GRIK2: variants seen among roughly 807,000 people sequenced by gnomAD.
GRIK2 encodes the protein glutamate ionotropic receptor kainate type subunit 2, also known as glutamate receptor ionotropic, kainate 2.
GRIK2 carries 32 observed loss-of-function variants against 100.3 expected under a neutral mutation model. That is an observed-to-expected ratio of 0.32 (90% confidence interval 0.24 to 0.43). GRIK2 has a LOEUF of 0.43. Among genes scored for constraint, GRIK2 ranks in the 20% least tolerant of loss-of-function variants. GRIK2 has a pLI of 1.00. For missense variants in GRIK2, 843 were observed against 1,114.9 expected (o/e 0.76, Z 3.47); for synonymous variants, 417 against 389.4 (o/e 1.07, Z -0.83).
At position 101,621,945 on chromosome 6, in the gene GRIK2, C is replaced by T. The variant is rs772959515; in HGVS notation, c.116-4C>T. The T allele has an allele frequency of 6.3e-7, 1 of 1,586,456 alleles. No individual in the cohort carries two copies. Among genetic ancestry groups the T allele is most frequent in the Non-Finnish European group, 8.6e-7 (1 of 1,157,360 alleles). Reference sequence around the variant, plus strand: ...TTTATGATTTTTCTCTTTCTTTTTGCCAGGTGGTATTTTTGAATATGTGGA... The same window carrying T: ...TTTATGATTTTTCTCTTTCTTTTTGTCAGGTGGTATTTTTGAATATGTGGA... On this transcript the variant is annotated splice_region_variant and splice_polypyrimidine_tract_variant and intron_variant, in intron 2 of 16. Coordinates refer to ENST00000369134, the MANE Select transcript of GRIK2 (RefSeq NM_021956.5).
chr6:102,063,829 A>G, intron 16 of GRIK2: 1 of 527,176 alleles, frequency 1.9e-6, no homozygotes, highest in Middle Eastern at 5.2e-4. Context: ...TTCCAGATCT[A>G]CATTGTTTCA....
At chr6:101,449,433 G>A (rs116789307) in intron 2 of GRIK2, among the ~76,000 whole-genome samples, 1,887 of 151,758 alleles carry the variant, frequency 0.012, 31 homozygotes, top group African/African-American at 0.044. Flanking sequence ...GTAGGCTGAG[G>A]CACCTGTAAC....
At chr6:101,734,423 C>T (rs1262790747) in intron 7 of GRIK2, among the ~76,000 whole-genome samples, 3 of 152,170 alleles carry the variant, frequency 2.0e-5, no homozygotes, top group Non-Finnish European at 4.4e-5. Context: ...TGAGGGTCAG[C>T]CCTTTTTCTC....
intron 2 of GRIK2, among the ~76,000 whole-genome samples, chr6:101,473,710 T>G (rs1466348316): frequency 6.6e-6 from 1 of 151,892 alleles, no homozygotes; most frequent in African/African-American, 2.4e-5. Flanking sequence ...TTTTTGCCCA[T>G]ATTTTCAACG....
intron 7 of GRIK2, among the ~76,000 whole-genome samples, chr6:101,736,058 C>T (rs922627676): frequency 1.3e-5 from 2 of 149,812 alleles, no homozygotes; most frequent in Non-Finnish European, 2.9e-5. Flanking sequence ...GCAGTCAAAG[C>T]TCCAAAATGA....
chr6:101,423,250 CA>C (rs1776505648), intron 2 of GRIK2, among the ~76,000 whole-genome samples: 2 of 152,120 alleles, frequency 1.3e-5, no homozygotes, highest in Non-Finnish European at 2.9e-5. Context: ...GTATATTTTC[CA>C]GACTAACTTA....
At chr6:102,001,432 C>T (rs1358538641) in intron 14 of GRIK2, among the ~76,000 whole-genome samples, 1 of 151,796 alleles carries the variant, frequency 6.6e-6, no homozygotes, top group Admixed American at 6.6e-5. Flanking sequence ...GCTCAACTCC[C>T]GCTTATGAAT....
intron 7 of GRIK2, among the ~76,000 whole-genome samples, chr6:101,767,017 A>G (rs772490359): frequency 6.6e-6 from 1 of 152,134 alleles, no homozygotes; most frequent in Non-Finnish European, 1.5e-5. Flanking sequence ...CTTGGTGCCT[A>G]ACTCCTACTT....
intron 4 of GRIK2, among the ~76,000 whole-genome samples, chr6:101,636,499 TA>T (rs548087624): frequency 4.6e-5 from 7 of 151,568 alleles, no homozygotes; most frequent in Admixed American, 2.0e-4. Flanking sequence ...TAAAGTATAA[TA>T]AAAAAAAGAA....
At chr6:101,931,789 A>G in intron 14 of GRIK2, among the ~76,000 whole-genome samples, 1 of 152,286 alleles carries the variant, frequency 6.6e-6, no homozygotes, top group African/African-American at 2.4e-5. Context: ...AAGCAATAGA[A>G]AACTGCATGG....
At chr6:102,044,997 T>TATC (rs1427967299) in intron 15 of GRIK2, among the ~76,000 whole-genome samples, 1 of 152,052 alleles carries the variant, frequency 6.6e-6, no homozygotes, top group African/African-American at 2.4e-5. Context: ...ATTTTTAAAG[T>TATC]ATCTTTTTCT....
At chr6:101,409,783 A>G (rs1425750295) in intron 2 of GRIK2, among the ~76,000 whole-genome samples, 9 of 143,408 alleles carry the variant, frequency 6.3e-5, no homozygotes, top group Non-Finnish European at 1.4e-4. Context: ...TATTAGCAGA[A>G]AAGGCCTTTT....
chr6:101,709,875 T>G (rs1773582950), intron 7 of GRIK2, among the ~76,000 whole-genome samples: 1 of 151,824 alleles, frequency 6.6e-6, no homozygotes, highest in South Asian at 2.1e-4. Context: ...CTACCATTTC[T>G]ATGAGATAGA....
At position 101,887,757 on chromosome 6, in the gene GRIK2, C is replaced by T. The variant is rs150007245; in HGVS notation, c.1525-1883C>T. ...GAAGGGGGAAGGGAGAAGTGCTACA[C>T]ACTTTTAAACAACCAGGTCTCCTGA... On this transcript the variant is annotated intron_variant, in intron 11 of 16. Coordinates refer to ENST00000369134, the MANE Select transcript of GRIK2 (RefSeq NM_021956.5). 2.2e-3 allele frequency among the ~76,000 whole-genome samples: 338 copies of T among 152,108 alleles called. 1 individual carries two copies. Among genetic ancestry groups the T allele is most frequent in the Non-Finnish European group, 3.8e-3 (256 of 67,980 alleles).
At chr6:101,464,497 C>CTTTTT (rs71028069) in intron 2 of GRIK2, among the ~76,000 whole-genome samples, 18 of 62,012 alleles carry the variant, frequency 2.9e-4, no homozygotes, top group Non-Finnish European at 4.4e-4. Flanking sequence ...CTTTTTCTTT[C>CTTTTT]TTTTTTTTTT....
At chr6:101,500,957 T>TATA (rs71547432) in intron 2 of GRIK2, among the ~76,000 whole-genome samples, 2 of 151,862 alleles carry the variant, frequency 1.3e-5, no homozygotes, top group Non-Finnish European at 2.9e-5. Flanking sequence ...TTATTAATAT[T>TATA]AACAGTACTT....
intron 7 of GRIK2, among the ~76,000 whole-genome samples, chr6:101,704,991 A>G (rs1670820009): frequency 7.6e-6 from 1 of 131,466 alleles, no homozygotes; most frequent in African/African-American, 2.5e-5. Flanking sequence ...ATATATTTAT[A>G]TATTATATTA....
intron 4 of GRIK2, among the ~76,000 whole-genome samples, chr6:101,637,327 A>C (rs764172189): frequency 6.6e-6 from 1 of 152,122 alleles, no homozygotes; most frequent in Non-Finnish European, 1.5e-5. Flanking sequence ...TCATAGGTAC[A>C]TCTAACGCAA....
chr6:101,628,121 C>T (rs1029062674), intron 4 of GRIK2, among the ~76,000 whole-genome samples: 1 of 151,956 alleles, frequency 6.6e-6, no homozygotes. Flanking sequence ...TTTAAATTCT[C>T]TCAAAGTATG....
Sources: gnomAD v4.1 joint callset for allele counts (sites outside exome capture counted in the v4.1 genomes callset) on GRCh38, gnomAD v4.1.1 for gene constraint, MANE v1.5 for transcripts, NCBI Gene and HGNC (gene_info 2026-07-23, HGNC 2026-07-21) for gene names.